RGS9: variants seen among roughly 807,000 people sequenced by gnomAD.
The protein encoded by RGS9 is regulator of G-protein signalling 9.
A neutral mutation model predicts 102.0 loss-of-function variants in RGS9; 78 were observed. The observed-to-expected ratio is 0.76, with a 90% CI of 0.64 to 0.92. The LOEUF is 0.92. Among genes scored for constraint, RGS9 ranks in the 40% least tolerant of loss-of-function variants. The probability of loss-of-function intolerance (pLI) is 0.00; values close to 1 mark genes in which losing one functional copy is unlikely to be tolerated. For missense variants in RGS9, 833 were observed against 866.1 expected (o/e 0.96, Z 0.48); for synonymous variants, 353 against 318.6 (o/e 1.11, Z -1.15).
At chr17:65,158,195 C>T (rs957294516) in intron 2 of RGS9, 100 bp from the exon 3 acceptor site, 15 of 1,086,132 alleles carry the variant, frequency 1.4e-5, no homozygotes, top group South Asian at 3.7e-5. Context: ...GGAATGAAAT[C>T]GCAGCTGAAC....
chr17:65,155,397 T>C (rs1250923118), intron 2 of RGS9, among the ~76,000 whole-genome samples: 2 of 152,236 alleles, frequency 1.3e-5, no homozygotes, highest in African/African-American at 2.4e-5. Flanking sequence ...TTGTAACAGA[T>C]GGTTAGTAAA....
chr17:65,204,444 C>A, intron 15 of RGS9, 143 bp downstream of exon 15: 1 of 999,566 alleles, frequency 1.0e-6, no homozygotes, highest in Non-Finnish European at 1.5e-6. Context: ...AGCATGGGGG[C>A]TCATGTCTGT....
intron 12 of RGS9, among the ~76,000 whole-genome samples, chr17:65,194,354 A>G (rs1368928689): frequency 6.6e-6 from 1 of 152,152 alleles, no homozygotes; most frequent in African/African-American, 2.4e-5. Context: ...GAATGCGGCT[A>G]TGAACATTCG....
chr17:65,171,604 T>A (rs140244241), intron 8 of RGS9, among the ~76,000 whole-genome samples: 106 of 152,328 alleles, frequency 7.0e-4, no homozygotes, highest in African/African-American at 2.5e-3. Context: ...GTGATTGATT[T>A]AGAAAGGCAG....
intron 8 of RGS9, among the ~76,000 whole-genome samples, chr17:65,172,292 C>G (rs550941257): frequency 6.6e-6 from 1 of 152,284 alleles, no homozygotes; most frequent in East Asian, 1.9e-4. Flanking sequence ...CAACCTCTGC[C>G]TCTTGGGTTC....
Position 65,153,524 on chromosome 17 carries a change from G to T in RGS9, c.154+6G>T, listed in dbSNP as rs775947842. On this transcript the variant is annotated splice_donor_region_variant and intron_variant, in intron 2 of 18. Transcript: ENST00000262406. ...CGTTCCTCATGCCATGACAGGTGAT[G>T]TAGCTTGCACTTTAGTCTTGGCCTG... 3.1e-6 allele frequency: 5 copies of T among 1,610,168 alleles called. No homozygotes were observed. The highest frequency in any genetic ancestry group is 4.3e-6 in the Non-Finnish European group (5 of 1,176,304).
At chr17:65,156,102 C>T in intron 2 of RGS9, among the ~76,000 whole-genome samples, 1 of 152,216 alleles carries the variant, frequency 6.6e-6, no homozygotes, top group East Asian at 1.9e-4. Context: ...TGGCTCATTG[C>T]AGCTTCTGCC....
In RGS9 at chr17:65,149,105, G is replaced by A. The variant is rs182350686; in HGVS notation, c.58-4317G>A. Among the ~76,000 whole-genome samples the A allele has an allele frequency of 2.2e-3, 331 of 151,326 alleles. 3 individuals carry two copies. The highest frequency in any genetic ancestry group is 4.5e-3 in the Admixed American group (68 of 15,218). Reference sequence around the variant, plus strand: ...GCCTCCTGAGTAGCTGGGATTGTAGGCGCCCGCCACCATGCCCGGCTAGTT... The same window carrying A: ...GCCTCCTGAGTAGCTGGGATTGTAGACGCCCGCCACCATGCCCGGCTAGTT... On this transcript the variant is annotated intron_variant, in intron 1 of 18. Coordinates refer to ENST00000262406, the MANE Select transcript of RGS9 (RefSeq NM_003835.4).
intron 8 of RGS9, among the ~76,000 whole-genome samples, chr17:65,175,092 TG>T (rs879901670): frequency 1.9e-4 from 28 of 150,342 alleles, no homozygotes; most frequent in Middle Eastern, 3.5e-3. Context: ...AATGTGTGTG[TG>T]TGTGTGTGTG....
intron 14 of RGS9, among the ~76,000 whole-genome samples, chr17:65,202,991 C>T (rs904547019): frequency 5.9e-5 from 9 of 152,246 alleles, no homozygotes; most frequent in African/African-American, 1.4e-4. Flanking sequence ...CCAAGCACCA[C>T]GCTGGGCTGG....
At chr17:65,159,835 CAA>C (rs1419446444) in intron 3 of RGS9, among the ~76,000 whole-genome samples, 1 of 152,168 alleles carries the variant, frequency 6.6e-6, no homozygotes, top group Non-Finnish European at 1.5e-5. Flanking sequence ...CTTGGAGTGA[CAA>C]AGTGTCTGTT....
chr17:65,215,985 A>C (rs1054981893), intron 17 of RGS9, among the ~76,000 whole-genome samples: 2 of 152,140 alleles, frequency 1.3e-5, no homozygotes, highest in Non-Finnish European at 2.9e-5. Context: ...ATAGCGGAGC[A>C]AGCAGAACAG....
chr17:65,201,804 G>T (rs964709721), intron 13 of RGS9, among the ~76,000 whole-genome samples, 189 bp from the exon 14 acceptor site: 8 of 152,178 alleles, frequency 5.3e-5, no homozygotes, highest in Non-Finnish European at 1.0e-4. Context: ...TGAAGATGTG[G>T]CTCCTTTCCC....
intron 9 of RGS9, among the ~76,000 whole-genome samples, chr17:65,188,019 A>ACAG (rs1912196156): frequency 6.6e-6 from 1 of 152,102 alleles, no homozygotes; most frequent in Admixed American, 6.5e-5. Context: ...AACAACAACA[A>ACAG]CAGCAACAAA....
intron 16 of RGS9, among the ~76,000 whole-genome samples, chr17:65,209,057 T>C (rs1455082419): frequency 6.6e-6 from 1 of 152,090 alleles, no homozygotes; most frequent in African/African-American, 2.4e-5. Flanking sequence ...CAGAAAGTAA[T>C]GAGGGGACAA....
chr17:65,189,071 C>T (rs962520506), intron 9 of RGS9: 21 of 594,664 alleles, frequency 3.5e-5, no homozygotes, highest in Middle Eastern at 4.5e-4. Context: ...TGGTAAATTA[C>T]GCTCCTTCGC....
At chr17:65,199,786 G>T (rs967288585) in intron 13 of RGS9, among the ~76,000 whole-genome samples, 1 of 151,816 alleles carries the variant, frequency 6.6e-6, no homozygotes, top group African/African-American at 2.4e-5. Flanking sequence ...GAGCCACTGC[G>T]CCTGGCCACG....
chr17:65,225,784 C>T lies in RGS9; in HGVS notation c.1892+298C>T, dbSNP rs115798650. On this transcript the variant is annotated intron_variant, in intron 18 of 18. Transcript: ENST00000262406. ...CACTCACATTGTCCCATCCCAAGACCGTTATTAGTCTAAGAAACCCATTGC... is the reference window on the plus strand; with the variant it reads ...CACTCACATTGTCCCATCCCAAGACTGTTATTAGTCTAAGAAACCCATTGC... Among the ~76,000 whole-genome samples the T allele has an allele frequency of 4.5e-3, 678 of 152,296 alleles. 4 individuals carry two copies. Among genetic ancestry groups the T allele is most frequent in the African/African-American group, 0.015 (629 of 41,556 alleles).
Position 65,137,487 on chromosome 17 carries a change from T to G in RGS9, c.-54T>G. 1 of 1,580,502 alleles carries G rather than the reference T, an allele frequency of 6.3e-7. No homozygotes were observed. The highest frequency in any genetic ancestry group is 8.7e-7 in the Non-Finnish European group (1 of 1,155,566). ...AGGCTGCCTTTCGAACTTGGGGGGCTTCTCCTCTTGTCTCCCACTGGTGCT... is the reference window on the plus strand; with the variant it reads ...AGGCTGCCTTTCGAACTTGGGGGGCGTCTCCTCTTGTCTCCCACTGGTGCT... On this transcript the variant is annotated 5_prime_UTR_variant, in exon 1 of 19. Coordinates refer to ENST00000262406, the MANE Select transcript of RGS9 (RefSeq NM_003835.4).
Sources: gnomAD v4.1 joint callset for allele counts (sites outside exome capture counted in the v4.1 genomes callset) on GRCh38, gnomAD v4.1.1 for gene constraint, MANE v1.5 for transcripts, NCBI Gene and HGNC (gene_info 2026-07-23, HGNC 2026-07-21) for gene names.